The following RUSC2 variants were observed in gnomAD, a reference collection of about 807,000 sequenced individuals.
RUSC2 encodes the protein AP-4 complex accessory subunit RUSC2.
In RUSC2, 34 loss-of-function variants were observed where a neutral mutation model predicts 122.2. The observed-to-expected ratio is 0.28, with a 90% confidence interval of 0.21 to 0.37. The LOEUF (loss-of-function observed/expected upper bound fraction) is 0.37. RUSC2 is among the 10% of genes least tolerant of loss of function. The probability of loss-of-function intolerance (pLI) is 1.00; values close to 1 mark genes in which losing one functional copy is unlikely to be tolerated. For synonymous variants in RUSC2, 784 were observed against 790.0 expected (o/e 0.99, Z 0.13); for missense variants, 1,747 against 1,952.4 (o/e 0.89, Z 1.98).
Position 35,559,946 on chromosome 9 carries a change from T to G in RUSC2, c.3389-83T>G, listed in dbSNP as rs548395777. The G allele has an allele frequency of 5.2e-3, 6,122 of 1,184,556 alleles. 30 individuals are homozygous for G. Among genetic ancestry groups the G allele is most frequent in the Middle Eastern group, 0.01 (51 of 5,000 alleles). The allele number at this position is 1,184,556 out of a possible 1,614,324, so 73.4% of individuals were successfully genotyped here. ...AGCCTGCACCGCTGTCTGCAGCAGC[T>G]CTGCCCAGACTGTCTTTCAAAGTCC... On this transcript the variant is annotated intron_variant, in intron 9 of 11. Coordinates refer to ENST00000361226, the MANE Select transcript of RUSC2 (RefSeq NM_014806.5).
chr9:35,542,853 T>C (rs1253739294), intron 1 of RUSC2, among the ~76,000 whole-genome samples: 1 of 152,184 alleles, frequency 6.6e-6, no homozygotes, highest in African/African-American at 2.4e-5. Flanking sequence ...TGTACATCAG[T>C]TTTTCCATAT....
At chr9:35,556,638 C>T (rs1379072781) in intron 5 of RUSC2, among the ~76,000 whole-genome samples, 190 bp downstream of exon 5, 1 of 152,040 alleles carries the variant, frequency 6.6e-6, no homozygotes, top group African/African-American at 2.4e-5. Flanking sequence ...GCCTGGCCAA[C>T]ATGGTGAAAC....
chr9:35,542,788 C>T (rs954086628), intron 1 of RUSC2, among the ~76,000 whole-genome samples: 12 of 152,188 alleles, frequency 7.9e-5, no homozygotes, highest in East Asian at 5.8e-4. Flanking sequence ...TCATCTCCCA[C>T]GCTCATGTGT....
At chr9:35,492,187 A>G (rs1820581317) in intron 1 of RUSC2, among the ~76,000 whole-genome samples, 3 of 152,160 alleles carry the variant, frequency 2.0e-5, no homozygotes, top group Admixed American at 2.0e-4. Flanking sequence ...TAAAACGCAG[A>G]GTGCCCAGTT....
rs10672783 is a variant in RUSC2 at position 35,500,273 on chromosome 9, A to AAGAG, written c.-93+10112_-93+10115dup. Among the ~76,000 whole-genome samples the AAGAG allele has an allele frequency of 3.6e-3, 549 of 151,454 alleles. 2 individuals carry two copies. The highest frequency in any genetic ancestry group is 0.011 in the South Asian group (53 of 4,798). ...TCACATCTTACATAGATGACAGGCA[A>AAGAG]AGAGAGAGAGAGAGCTTGTGCAGGG... On this transcript the variant is annotated intron_variant, in intron 1 of 11. Transcript: ENST00000361226.
rs200237183 is a variant in RUSC2 at position 35,559,268 on chromosome 9, C to T, written c.3384C>T (p.His1128=). 93 of 1,612,608 alleles carry T rather than the reference C, an allele frequency of 5.8e-5. No homozygotes were observed. Among genetic ancestry groups the T allele is most frequent in the African/African-American group, 5.3e-5 (4 of 74,890 alleles). The change falls in exon 9 of 12, where the codon CAC becomes CAT. Residue 1128 remains histidine (H), a synonymous_variant. Transcript: ENST00000361226. The part of the protein sequence containing the change: ...LEFWFNHLYN[H]EDIIQTHYQP... ...TCTGGTTTAATCACCTCTATAACCA[C>T]GAAGGTAATGCCTAGAACCCTGCAG...
Position 35,548,926 on chromosome 9 carries a change from G to A in RUSC2, c.2014+391G>A, listed in dbSNP as rs1374137043. The A allele has an allele frequency of 7.6e-6, 4 of 527,392 alleles. No homozygotes were observed. Among genetic ancestry groups the A allele is most frequent in the Non-Finnish European group, 9.7e-6 (4 of 411,666 alleles). The allele number at this position is 527,392 out of a possible 1,614,324, so 32.7% of individuals were successfully genotyped here. A position where few individuals can be genotyped will look rare whatever the true frequency, so the allele number is the denominator to read the frequency against. On this transcript the variant is annotated intron_variant, in intron 2 of 11. Coordinates refer to ENST00000361226, the MANE Select transcript of RUSC2 (RefSeq NM_014806.5). The surrounding 1 kb of genome is among the most constrained non-coding windows in gnomAD (Gnocchi z 4.5). The stretch of plus-strand genomic sequence containing the variant: ...ACCCACCTGTAATCCCAGCTACTCA[G>A]GGGGCTGAGGCAGGAGAATTGCTTG...
chr9:35,498,624 C>G (rs936618272), intron 1 of RUSC2, among the ~76,000 whole-genome samples: 1 of 150,974 alleles, frequency 6.6e-6, no homozygotes, highest in Non-Finnish European at 1.5e-5. Context: ...TTTAGGAGGC[C>G]GAGGTGGGTG....
At chr9:35,492,786 T>A (rs984756991) in intron 1 of RUSC2, among the ~76,000 whole-genome samples, 1 of 152,140 alleles carries the variant, frequency 6.6e-6, no homozygotes, top group Non-Finnish European at 1.5e-5. Flanking sequence ...GAACTTTTTT[T>A]CATCTTCCCA....
chr9:35,503,295 TATATC>T (rs1163545404), intron 1 of RUSC2, among the ~76,000 whole-genome samples: 1 of 152,146 alleles, frequency 6.6e-6, no homozygotes, highest in Non-Finnish European at 1.5e-5. Context: ...CAAAGTCTAT[TATATC>T]ATTCTTACGC....
Position 35,561,071 on chromosome 9 carries a change from C to T in RUSC2, c.4323C>T (p.Ser1441=), listed in dbSNP as rs1432005127. ...AGGAGAGCCTGCAGGAGCCACACTC[C>T]CCAGCCCTGCCCTCCAGTCCTCCGT... ...EPKESLQEPH[S]PALPSSPPCE... is the part of the protein sequence containing the mutation. The change falls in exon 11 of 12, where the codon TCC becomes TCT. Residue 1441 remains serine (S), a synonymous_variant. Coordinates refer to ENST00000361226, the MANE Select transcript of RUSC2 (RefSeq NM_014806.5). The T allele has an allele frequency of 2.5e-6, 4 of 1,614,130 alleles. No homozygotes were observed. The highest frequency in any genetic ancestry group is 3.4e-6 in the Non-Finnish European group (4 of 1,179,984).
intron 1 of RUSC2, among the ~76,000 whole-genome samples, chr9:35,522,205 A>G (rs187435281): frequency 4.5e-4 from 68 of 152,342 alleles, no homozygotes; most frequent in African/African-American, 1.6e-3. Flanking sequence ...TAGGTTTGCT[A>G]TTGGTGAAGT....
chr9:35,561,023 T>A lies in RUSC2; in HGVS notation c.4275T>A (p.Gly1425=). ...SMFQLVAQTV[G]SRREPEPKES... ...TCCAACTAGTGGCGCAGACAGTGGG[T>A]TCCCGCCGGGAGCCAGAGCCCAAGG... The change falls in exon 11 of 12, where the codon GGT becomes GGA. Residue 1425 remains glycine (G), a synonymous_variant. Coordinates refer to ENST00000361226, the MANE Select transcript of RUSC2 (RefSeq NM_014806.5). 1 of 1,614,186 alleles carries A rather than the reference T, an allele frequency of 6.2e-7. No individual in the cohort carries two copies. The highest frequency in any genetic ancestry group is 8.5e-7 in the Non-Finnish European group (1 of 1,180,024).
Position 35,547,941 on chromosome 9 carries a change from A to G in RUSC2, c.1420A>G (p.Thr474Ala). 1.2e-6 allele frequency: 2 copies of G among 1,614,180 alleles called. No homozygotes were observed. The highest frequency in any genetic ancestry group is 1.7e-5 in the Admixed American group (1 of 60,026). The change falls in exon 2 of 12, where the codon ACT (threonine) becomes GCT (alanine). Residue 474 changes from threonine to alanine, a missense_variant. Thr to Ala is a moderately conservative substitution (Grantham distance 58). Transcript: ENST00000361226. The surrounding 1 kb of genome is among the most constrained non-coding windows in gnomAD (Gnocchi z 4.6). ...STQAAAAVGP[T>A]VLEGQVYTNT... The stretch of plus-strand genomic sequence containing the variant: ...CCAAGCAGCAGCTGCTGTGGGCCCC[A>G]CTGTGCTTGAGGGACAAGTATACAC...
At chr9:35,556,821 T>A (rs1822031773) in intron 5 of RUSC2, among the ~76,000 whole-genome samples, 1 of 152,038 alleles carries the variant, frequency 6.6e-6, no homozygotes, top group Non-Finnish European at 1.5e-5. Context: ...AACTGAAAAC[T>A]CCTTTTCAAA....
At chr9:35,522,268 A>T (rs929691220) in intron 1 of RUSC2, among the ~76,000 whole-genome samples, 1 of 152,194 alleles carries the variant, frequency 6.6e-6, no homozygotes, top group Non-Finnish European at 1.5e-5. Flanking sequence ...AAAAAGAGAG[A>T]TGTTTCTGTC....
chr9:35,544,906 A>C (rs915794069), intron 1 of RUSC2, among the ~76,000 whole-genome samples: 3 of 152,110 alleles, frequency 2.0e-5, no homozygotes, highest in Non-Finnish European at 2.9e-5. Flanking sequence ...AGACTCTCTT[A>C]ATATCTGCCC....
chr9:35,558,088 T>A lies in RUSC2; in HGVS notation c.3060+98T>A. 6.3e-7 allele frequency: 1 copy of A among 1,578,902 alleles called. No homozygotes were observed. Among genetic ancestry groups the A allele is most frequent in the Non-Finnish European group, 8.7e-7 (1 of 1,150,780 alleles). The stretch of plus-strand genomic sequence containing the variant: ...GCTGTCTTGCATTTAGAGCCCAGGG[T>A]TGGGTACTTAGGAATGGGGACGGCA... On this transcript the variant is annotated intron_variant, in intron 6 of 11. Coordinates refer to ENST00000361226, the MANE Select transcript of RUSC2 (RefSeq NM_014806.5). This position sits in a 1 kb window ranked among gnomAD's most constrained non-coding sequence, Gnocchi z 4.3.
Position 35,556,139 on chromosome 9 carries a change from TG to T in RUSC2, c.2842+3del, listed in dbSNP as rs1221632988. 1 of 1,613,766 alleles carries T rather than the reference TG, an allele frequency of 6.2e-7. No individual in the cohort carries two copies. Among genetic ancestry groups the T allele is most frequent in the African/African-American group, 1.3e-5 (1 of 74,878 alleles). ...GCCATCTGAACTGCCGGCTGAATGG[TG>T]TGTGAGCAGGGTCCCCAGTACACCC... On this transcript the variant is annotated splice_donor_region_variant and intron_variant, in intron 4 of 11. Transcript: ENST00000361226.
Sources: allele counts gnomAD v4.1 joint callset (sites outside exome capture counted in the v4.1 genomes callset), GRCh38; gene constraint gnomAD v4.1.1; non-coding constraint Gnocchi (gnomAD v3.1); transcripts MANE v1.5; gene names NCBI Gene and HGNC (gene_info 2026-07-23, HGNC 2026-07-21).